Variants in LGSN observed in about 807,000 individuals in gnomAD.
LGSN encodes the protein lengsin.
LGSN carries 21 observed loss-of-function variants against 19.5 expected under a neutral mutation model. The ratio of observed to expected loss-of-function variants is 1.07; its 90% confidence interval spans 0.76 to 1.55. The LOEUF is 1.55. Ranked by LOEUF, LGSN falls within the 40% of genes most tolerant of loss-of-function variation. LGSN has a pLI of 0.00. For missense variants in LGSN, 673 were observed against 608.5 expected (o/e 1.11, Z -1.12); for synonymous variants, 257 against 215.6 (o/e 1.19, Z -1.68).
chr6:63,396,728 CAG>C, the LGSN span: 1 of 152,962 alleles, frequency 6.5e-6, no homozygotes, highest in South Asian at 2.0e-4. Flanking sequence ...GCTTCAGAAT[CAG>C]GGGGCTGAGG....
chr6:63,391,524 G>T, the LGSN span, among the ~76,000 whole-genome samples: 1 of 152,168 alleles, frequency 6.6e-6, no homozygotes, highest in Non-Finnish European at 1.5e-5. Flanking sequence ...CTCCAACACT[G>T]TTCTCTCCAC....
At chr6:63,516,164 G>A in the LGSN span, among the ~76,000 whole-genome samples, 1 of 152,160 alleles carries the variant, frequency 6.6e-6, no homozygotes, top group South Asian at 2.1e-4. Flanking sequence ...GCAACCCTAA[G>A]CAAGTAGAAG....
At chr6:63,369,413 C>T in the LGSN span, among the ~76,000 whole-genome samples, 3 of 152,108 alleles carry the variant, frequency 2.0e-5, no homozygotes, top group African/African-American at 7.2e-5. Context: ...TGTAAAATAA[C>T]GTCGTTCATG....
At chr6:63,560,368 A>G in the LGSN span, among the ~76,000 whole-genome samples, 1 of 151,220 alleles carries the variant, frequency 6.6e-6, no homozygotes, top group East Asian at 1.9e-4. Context: ...GAAAGAAAGA[A>G]AAGAAGTGAA....
At chr6:63,359,544 T>G in the LGSN span, among the ~76,000 whole-genome samples, 4 of 152,240 alleles carry the variant, frequency 2.6e-5, no homozygotes, top group African/African-American at 9.6e-5. Flanking sequence ...ATTCAACTTC[T>G]TCCTGGTTTA....
At chr6:63,324,711 T>G (rs1174050734), upstream of LGSN, among the ~76,000 whole-genome samples, 8 of 151,918 alleles carry the variant, frequency 5.3e-5, no homozygotes, top group Non-Finnish European at 1.0e-4. Flanking sequence ...AAAAAATTTT[T>G]TGGAAACAAA....
At chr6:63,378,563 G>A in the LGSN span, among the ~76,000 whole-genome samples, 1 of 152,174 alleles carries the variant, frequency 6.6e-6, no homozygotes, top group East Asian at 1.9e-4. Context: ...GACTGTACAG[G>A]AAGCATGGCA....
chr6:63,532,095 G>C, the LGSN span, among the ~76,000 whole-genome samples: 1 of 151,902 alleles, frequency 6.6e-6, no homozygotes, highest in Non-Finnish European at 1.5e-5. Flanking sequence ...CACCACGCCC[G>C]GTCAACCACA....
the LGSN span, among the ~76,000 whole-genome samples, chr6:63,517,505 G>A: frequency 6.6e-6 from 1 of 152,076 alleles, no homozygotes; most frequent in Non-Finnish European, 1.5e-5. Context: ...CATTTAAATG[G>A]TGAAAGATCT....
intron 3 of LGSN, 24 bp from the exon 4 acceptor site, chr6:63,281,244 A>T: frequency 7.0e-7 from 1 of 1,434,124 alleles, no homozygotes; most frequent in Non-Finnish European, 9.2e-7. Context: ...AAAATGAAGA[A>T]ATTAGGTTTT....
At chr6:63,532,336 G>T in the LGSN span, among the ~76,000 whole-genome samples, 309 of 152,098 alleles carry the variant, frequency 2.0e-3, 1 homozygote, top group Middle Eastern at 0.014. Context: ...TTTCCTATAA[G>T]ATTTTCCACA....
At chr6:63,524,684 C>G in the LGSN span, among the ~76,000 whole-genome samples, 6 of 152,186 alleles carry the variant, frequency 3.9e-5, no homozygotes, top group Non-Finnish European at 8.8e-5. Context: ...AAGAGAAATG[C>G]AAAGTGTTAT....
the LGSN span, among the ~76,000 whole-genome samples, chr6:63,400,903 A>G: frequency 1.3e-5 from 2 of 152,216 alleles, no homozygotes; most frequent in East Asian, 3.9e-4. Context: ...CTGATGCAGG[A>G]GAATCACTTG....
chr6:63,419,640 G>C, the LGSN span, among the ~76,000 whole-genome samples: 32 of 152,094 alleles, frequency 2.1e-4, no homozygotes, highest in African/African-American at 7.2e-4. Flanking sequence ...TGTAATCCTA[G>C]CACTTTGGGA....
At chr6:63,518,756 A>C in the LGSN span, among the ~76,000 whole-genome samples, 1 of 152,248 alleles carries the variant, frequency 6.6e-6, no homozygotes, top group African/African-American at 2.4e-5. Context: ...TGCAATAATA[A>C]TGCAATAATC....
chr6:63,413,128 G>C, the LGSN span, among the ~76,000 whole-genome samples: 3 of 151,838 alleles, frequency 2.0e-5, no homozygotes, highest in Non-Finnish European at 2.9e-5. Flanking sequence ...TACCAGTGTT[G>C]AACACTCATA....
Position 63,298,223 on chromosome 6 carries a change from C to T in LGSN, c.31-3178G>A, listed in dbSNP as rs112187556. On this transcript the variant is annotated intron_variant, in intron 1 of 3. Transcript: ENST00000370657. ...AGCTCCATTGTATCTGTTGCTCTCT[C>T]GAATCAACTGGGGATCATGGGTAAG... Among the ~76,000 whole-genome samples the T allele has an allele frequency of 6.1e-3, 930 of 152,284 alleles. 7 individuals are homozygous for T. Among genetic ancestry groups the T allele is most frequent in the African/African-American group, 0.021 (855 of 41,542 alleles).
chr6:63,542,426 T>TA, the LGSN span, among the ~76,000 whole-genome samples: 1,822 of 144,134 alleles, frequency 0.013, 8 homozygotes, highest in Middle Eastern at 0.028. Context: ...CCTATGGAAA[T>TA]AAAAAAAAAA....
the LGSN span, among the ~76,000 whole-genome samples, chr6:63,416,194 G>C: frequency 6.9e-6 from 1 of 145,874 alleles, no homozygotes; most frequent in Non-Finnish European, 1.5e-5. Context: ...AAATTACTTA[G>C]AGGCAGCACG....
Sources: gnomAD v4.1 joint callset for allele counts (sites outside exome capture counted in the v4.1 genomes callset) on GRCh38, gnomAD v4.1.1 for gene constraint, MANE v1.5 for transcripts, NCBI Gene and HGNC (gene_info 2026-07-23, HGNC 2026-07-21) for gene names.